The following PI4K2B variants were observed in gnomAD, a reference collection of about 807,000 sequenced individuals.
The protein encoded by PI4K2B is phosphatidylinositol 4-kinase type 2-beta.
Under a neutral mutation model 56.6 loss-of-function variants are expected in PI4K2B, and 46 were observed. That is an observed-to-expected ratio of 0.81 (90% confidence interval 0.64 to 1.04). The LOEUF (loss-of-function observed/expected upper bound fraction) is 1.04. PI4K2B is among the 50% of genes least tolerant of loss of function. The pLI, the probability that PI4K2B is intolerant of heterozygous loss-of-function variation, is 0.00. For missense variants in PI4K2B, 556 were observed against 607.7 expected, an observed-to-expected ratio of 0.91 and a Z score of 0.89; for synonymous variants, 211 against 223.8, an observed-to-expected ratio of 0.94 and a Z score of 0.51.
rs1716096873 is a variant in PI4K2B at position 25,252,454 on chromosome 4, C to T, written c.402C>T (p.Tyr134=). The T allele has an allele frequency of 1.2e-6, 2 of 1,611,118 alleles. No individual in the cohort carries two copies. The highest frequency in any genetic ancestry group is 1.1e-5 in the South Asian group (1 of 90,994). The change falls in exon 2 of 10, where the codon TAC becomes TAT. Residue 134 remains tyrosine, a synonymous_variant. Coordinates refer to ENST00000264864, the MANE Select transcript of PI4K2B (RefSeq NM_018323.4). ...ERISQGSSGS[Y]FVKDPKRKII... ...TCTCTCAAGGTTCAAGTGGAAGTTA[C>T]TTTGTGAAGGATCCTAAGAGGGTGA...
intron 6 of PI4K2B, among the ~76,000 whole-genome samples, chr4:25,262,917 C>T (rs114312775): frequency 1.4e-3 from 208 of 152,238 alleles, no homozygotes; most frequent in African/African-American, 4.6e-3. Context: ...ACTGCTATGA[C>T]GAAATACCCA....
At chr4:25,267,492 C>CT (rs1716708915) in intron 7 of PI4K2B, among the ~76,000 whole-genome samples, 1 of 152,188 alleles carries the variant, frequency 6.6e-6, no homozygotes, top group Non-Finnish European at 1.5e-5. Context: ...GAGATTGAGG[C>CT]TATAGCGAAC....
rs1181233628 is a variant in PI4K2B, at chr4:25,258,041, C to G, written c.757-996C>G. ...GCTACTTAAATTTTTATTTCCTTCT[C>G]CAACAAATTGTTTACTATTAACTAG... On this transcript the variant is annotated intron_variant, in intron 4 of 9. Coordinates refer to ENST00000264864, the MANE Select transcript of PI4K2B (RefSeq NM_018323.4). Among the ~76,000 whole-genome samples, 3 of 152,084 alleles carry G rather than the reference C, an allele frequency of 2.0e-5. No individual in the cohort carries two copies. The South Asian group carries it at 6.2e-4, about 32-fold the overall frequency.
In PI4K2B at chr4:25,258,143, T is replaced by G. The variant is rs142716973; in HGVS notation, c.757-894T>G. ...GACTTTTTTAAAACCGCTATCAATATTATGATTAATAGATTTGTTCTTTAA... is the reference window on the plus strand; with the variant it reads ...GACTTTTTTAAAACCGCTATCAATAGTATGATTAATAGATTTGTTCTTTAA... On this transcript the variant is annotated intron_variant, in intron 4 of 9. Transcript: ENST00000264864. Among the ~76,000 whole-genome samples, 1,048 of 152,076 alleles carry G rather than the reference T, an allele frequency of 6.9e-3. 7 individuals carry two copies. The highest frequency in any genetic ancestry group is 0.024 in the African/African-American group (987 of 41,530).
At chr4:25,268,735 T>C (rs1716757840) in intron 8 of PI4K2B, among the ~76,000 whole-genome samples, 159 bp downstream of exon 8, 1 of 152,240 alleles carries the variant, frequency 6.6e-6, no homozygotes, top group Non-Finnish European at 1.5e-5. Flanking sequence ...TACAGGAGCA[T>C]AGATTCATAA....
chr4:25,264,599 T>C (rs1474984810), intron 7 of PI4K2B, among the ~76,000 whole-genome samples: 2 of 152,134 alleles, frequency 1.3e-5, no homozygotes, highest in Non-Finnish European at 2.9e-5. Flanking sequence ...GGGCCAGGCA[T>C]GGTGGCTCAC....
chr4:25,253,660 C>CT (rs1224976397), intron 2 of PI4K2B, among the ~76,000 whole-genome samples: 2 of 152,072 alleles, frequency 1.3e-5, no homozygotes, highest in Admixed American at 1.3e-4. Context: ...TTGTTCTTGT[C>CT]TAAGGATAAT....
intron 3 of PI4K2B, 69 bp downstream of exon 3, chr4:25,255,334 A>G (rs1307695213): frequency 7.6e-7 from 1 of 1,320,770 alleles, no homozygotes; most frequent in South Asian, 1.2e-5. Context: ...ATATTTCAGT[A>G]ATTATTCCTA....
At chr4:25,268,264 C>G (rs1040356772) in intron 7 of PI4K2B, among the ~76,000 whole-genome samples, 179 bp from the exon 8 acceptor site, 1 of 152,080 alleles carries the variant, frequency 6.6e-6, no homozygotes, top group Non-Finnish European at 1.5e-5. Flanking sequence ...AGTTTACTAC[C>G]TGAATTGACT....
At chr4:25,262,581 C>A (rs1328963442) in intron 6 of PI4K2B, among the ~76,000 whole-genome samples, 2 of 152,128 alleles carry the variant, frequency 1.3e-5, no homozygotes, top group Admixed American at 1.3e-4. Context: ...GTTATTGTAT[C>A]TAGGCCACTT....
At chr4:25,251,440 A>G (rs1716046568) in intron 1 of PI4K2B, among the ~76,000 whole-genome samples, 1 of 152,142 alleles carries the variant, frequency 6.6e-6, no homozygotes, top group South Asian at 2.1e-4. Flanking sequence ...GCAGGTGACC[A>G]TGATGAAGGG....
intron 7 of PI4K2B, among the ~76,000 whole-genome samples, chr4:25,264,104 G>A (rs1391000808): frequency 6.6e-6 from 1 of 152,122 alleles, no homozygotes; most frequent in African/African-American, 2.4e-5. Context: ...TAGTGTTCCA[G>A]TTTTTAAAAA....
At chr4:25,275,664 C>A (rs1302209627) in intron 9 of PI4K2B, among the ~76,000 whole-genome samples, 3 of 148,960 alleles carry the variant, frequency 2.0e-5, no homozygotes, top group Non-Finnish European at 4.5e-5. Flanking sequence ...GTCTCAAAAA[C>A]AAAACAAAAC....
intron 1 of PI4K2B, among the ~76,000 whole-genome samples, chr4:25,239,135 GGT>G (rs2109083044): frequency 6.6e-6 from 1 of 152,316 alleles, no homozygotes; most frequent in African/African-American, 2.4e-5. Flanking sequence ...TAGACATAAA[GGT>G]TCTCTAAGTC....
At chr4:25,237,402 T>TTC (rs1211185776) in intron 1 of PI4K2B, among the ~76,000 whole-genome samples, 2 of 152,076 alleles carry the variant, frequency 1.3e-5, no homozygotes, top group South Asian at 4.1e-4. Context: ...GGAACAGAGT[T>TTC]TCATTCCTGT....
intron 7 of PI4K2B, among the ~76,000 whole-genome samples, chr4:25,265,609 T>G (rs1482471716): frequency 6.6e-6 from 1 of 152,220 alleles, no homozygotes; most frequent in East Asian, 1.9e-4. Flanking sequence ...AGGAATAATT[T>G]AGAAGTATTT....
intron 1 of PI4K2B, among the ~76,000 whole-genome samples, chr4:25,249,011 A>AAGG: frequency 6.6e-6 from 1 of 151,686 alleles, no homozygotes; most frequent in Non-Finnish European, 1.5e-5. Flanking sequence ...AGTGGTGATG[A>AAGG]CTCTTAACGA....
chr4:25,258,093 T>G (rs2109016556), intron 4 of PI4K2B, among the ~76,000 whole-genome samples: 1 of 152,314 alleles, frequency 6.6e-6, no homozygotes, highest in East Asian at 1.9e-4. Flanking sequence ...AATGCCTTCT[T>G]AAATGGTCAT....
chr4:25,244,547 T>TG (rs1225093225), intron 1 of PI4K2B, among the ~76,000 whole-genome samples: 2 of 152,152 alleles, frequency 1.3e-5, no homozygotes, highest in Non-Finnish European at 2.9e-5. Flanking sequence ...GAGAGAATAT[T>TG]GGGGCCAAGC....
Sources: gnomAD v4.1 joint callset for allele counts (sites outside exome capture counted in the v4.1 genomes callset) on GRCh38, gnomAD v4.1.1 for gene constraint, MANE v1.5 for transcripts, NCBI Gene and HGNC (gene_info 2026-07-23, HGNC 2026-07-21) for gene names.